Variants in TMEM117 observed in about 807,000 individuals in gnomAD.
TMEM117 encodes the protein transmembrane protein 117.
TMEM117 carries 27 observed loss-of-function variants against 52.4 expected under a neutral mutation model. That is an observed-to-expected ratio of 0.51 (90% CI 0.38 to 0.71). TMEM117 has a LOEUF of 0.71. Among genes scored for constraint, TMEM117 ranks in the 30% least tolerant of loss-of-function variants. The pLI, the probability that TMEM117 is intolerant of heterozygous loss-of-function variation, is 0.00. For missense variants in TMEM117, 556 were observed against 630.5 expected (o/e 0.88, Z 1.26); for synonymous variants, 215 against 206.3 (o/e 1.04, Z -0.36).
At chr12:44,044,901 G>A (rs1017804798) in intron 3 of TMEM117, among the ~76,000 whole-genome samples, 1 of 152,232 alleles carries the variant, frequency 6.6e-6, no homozygotes. Context: ...CAATGGTTTA[G>A]AACTTGGAAG....
intron 5 of TMEM117, among the ~76,000 whole-genome samples, chr12:44,278,222 A>G (rs1950538684): frequency 6.6e-6 from 1 of 152,206 alleles, no homozygotes; most frequent in Non-Finnish European, 1.5e-5. Flanking sequence ...ATGCCTCATC[A>G]TATTCATAGG....
intron 3 of TMEM117, among the ~76,000 whole-genome samples, chr12:43,974,546 C>T (rs771300991): frequency 2.6e-5 from 4 of 152,078 alleles, no homozygotes; most frequent in South Asian, 2.1e-4. Flanking sequence ...AACTTTAGAT[C>T]GGTTAACACC....
At chr12:44,183,762 G>A (rs1949238086) in intron 4 of TMEM117, among the ~76,000 whole-genome samples, 1 of 152,166 alleles carries the variant, frequency 6.6e-6, no homozygotes. Flanking sequence ...GGGACTGCAT[G>A]TTCGGCCTGG....
chr12:44,251,668 A>G (rs1484549798), intron 5 of TMEM117, among the ~76,000 whole-genome samples: 1 of 152,234 alleles, frequency 6.6e-6, no homozygotes, highest in South Asian at 2.1e-4. Flanking sequence ...AAATAACCTT[A>G]TTAGCTGACA....
intron 2 of TMEM117, among the ~76,000 whole-genome samples, chr12:43,929,669 C>T (rs1944840625): frequency 6.6e-6 from 1 of 152,068 alleles, no homozygotes; most frequent in Admixed American, 6.6e-5. Flanking sequence ...TTCTCTTATC[C>T]TTCCATACAT....
chr12:43,851,310 A>G (rs975006417), intron 2 of TMEM117, among the ~76,000 whole-genome samples: 2 of 152,216 alleles, frequency 1.3e-5, no homozygotes, highest in Non-Finnish European at 2.9e-5. Flanking sequence ...AACATAATTC[A>G]GGAGCAATTC....
chr12:44,101,036 C>T (rs936212203), intron 3 of TMEM117, among the ~76,000 whole-genome samples: 2 of 151,842 alleles, frequency 1.3e-5, no homozygotes, highest in African/African-American at 4.8e-5. Flanking sequence ...CTTCTGGTTC[C>T]TAGAAGGTGT....
At chr12:44,087,082 C>T (rs1947583774) in intron 3 of TMEM117, among the ~76,000 whole-genome samples, 1 of 149,010 alleles carries the variant, frequency 6.7e-6, no homozygotes, top group Admixed American at 6.7e-5. Flanking sequence ...AGTATGATGC[C>T]TTTTTTCTTA....
At position 44,388,326 on chromosome 12, in the gene TMEM117, GCC is replaced by G. The variant is rs1213405519; in HGVS notation, c.1200_1201del (p.Leu401AspfsTer20). On this transcript the variant is annotated frameshift_variant, in exon 8 of 8. Transcript: ENST00000266534. LOFTEE classifies it high-confidence loss of function. ...GTCAAGTGTCTGGCCTTTGTTCCAA[GCC>G]TGATAGCCTTTGTGTGGTTTGGATT... is the stretch of plus-strand genomic sequence containing the variant. 1 of 1,613,582 alleles carries G rather than the reference GCC, an allele frequency of 6.2e-7. No individual in the cohort carries two copies. The highest frequency in any genetic ancestry group is 1.1e-5 in the South Asian group (1 of 91,080).
intron 2 of TMEM117, among the ~76,000 whole-genome samples, chr12:43,935,641 C>T (rs183959851): frequency 1.3e-5 from 2 of 152,164 alleles, no homozygotes; most frequent in African/African-American, 4.8e-5. Context: ...TCATAAATCT[C>T]GGAATTGGTC....
the TMEM117 span, chr12:43,806,278 G>T: frequency 5.3e-6 from 8 of 1,502,762 alleles, no homozygotes; most frequent in Non-Finnish European, 7.1e-6. Flanking sequence ...CTCCGGCGCT[G>T]AGTGCAGCCA....
At chr12:44,126,983 T>G (rs1001077586) in intron 3 of TMEM117, among the ~76,000 whole-genome samples, 10 of 152,216 alleles carry the variant, frequency 6.6e-5, no homozygotes, top group African/African-American at 2.4e-4. Context: ...TCATGGAAAC[T>G]GAGTTAAAAT....
intron 6 of TMEM117, 142 bp from the exon 7 acceptor site, chr12:44,376,453 C>T: frequency 1.0e-6 from 1 of 968,524 alleles, no homozygotes; most frequent in Non-Finnish European, 1.6e-6. Flanking sequence ...AAATAACCAT[C>T]ACAGAATGAA....
intron 3 of TMEM117, among the ~76,000 whole-genome samples, chr12:44,044,096 AC>A (rs893195374): frequency 6.6e-6 from 1 of 152,160 alleles, no homozygotes; most frequent in African/African-American, 2.4e-5. Flanking sequence ...ATCACTTTAA[AC>A]GTACTCATCC....
At chr12:44,258,132 T>G (rs1351244905) in intron 5 of TMEM117, among the ~76,000 whole-genome samples, 2 of 152,172 alleles carry the variant, frequency 1.3e-5, no homozygotes, top group Non-Finnish European at 2.9e-5. Flanking sequence ...AATTCAACTC[T>G]GTAGCTACCA....
intron 3 of TMEM117, among the ~76,000 whole-genome samples, chr12:44,033,114 C>A (rs1946658877): frequency 6.6e-6 from 1 of 152,102 alleles, no homozygotes. Context: ...CCCACCAAAA[C>A]CAAGATGGTG....
the TMEM117 span, among the ~76,000 whole-genome samples, chr12:43,813,479 G>A: frequency 2.0e-5 from 3 of 151,670 alleles, no homozygotes; most frequent in Admixed American, 6.6e-5. Flanking sequence ...TACTGGCTTC[G>A]GCCTCCCAAA....
intron 2 of TMEM117, 67 bp from the exon 3 acceptor site, chr12:43,944,143 A>G (rs567693929): frequency 2.2e-6 from 3 of 1,385,814 alleles, no homozygotes; most frequent in African/African-American, 1.5e-5. Flanking sequence ...ATTCATTAAA[A>G]TAAAGCAAAG....
intron 3 of TMEM117, among the ~76,000 whole-genome samples, chr12:43,969,097 A>G (rs1395177349): frequency 2.9e-4 from 44 of 151,812 alleles, no homozygotes; most frequent in Admixed American, 2.9e-3. Flanking sequence ...AGCCATAGAA[A>G]TATCTTTTTA....
Sources: gnomAD v4.1 joint callset for allele counts (sites outside exome capture counted in the v4.1 genomes callset) on GRCh38, gnomAD v4.1.1 for gene constraint, MANE v1.5 for transcripts, NCBI Gene and HGNC (gene_info 2026-07-23, HGNC 2026-07-21) for gene names.